The following DNAJC13 variants were observed in gnomAD, a reference collection of about 807,000 sequenced individuals.
DNAJC13 encodes the protein dnaJ homolog subfamily C member 13.
Under a neutral mutation model 290.5 loss-of-function variants are expected in DNAJC13, and 75 were observed. The ratio of observed to expected loss-of-function variants is 0.26; its 90% CI spans 0.21 to 0.31. DNAJC13 has a LOEUF of 0.31. Among genes scored for constraint, DNAJC13 ranks in the 10% least tolerant of loss-of-function variants. The pLI, the probability that DNAJC13 is intolerant of heterozygous loss-of-function variation, is 1.00. For missense variants in DNAJC13, 2,260 were observed against 2,674.5 expected (o/e 0.85, Z 3.42); for synonymous variants, 862 against 892.0 (o/e 0.97, Z 0.60).
At chr3:132,486,526 T>A (rs1005133721) in intron 29 of DNAJC13, among the ~76,000 whole-genome samples, 3 of 152,182 alleles carry the variant, frequency 2.0e-5, no homozygotes, top group African/African-American at 7.2e-5. Context: ...TTCAGTAATA[T>A]CTGAACAAAG....
At position 132,522,824 on chromosome 3, in the gene DNAJC13, A is replaced by G. The variant is rs1413524972; in HGVS notation, c.5674-4A>G. On this transcript the variant is annotated splice_region_variant and splice_polypyrimidine_tract_variant and intron_variant, in intron 48 of 55. Coordinates refer to ENST00000260818, the MANE Select transcript of DNAJC13 (RefSeq NM_015268.4). ...CTTTTTCATTCTCAAACTTCCTCGT[A>G]TAGGTTCGAATTACGTTAATGAAAT... is the stretch of plus-strand genomic sequence containing the variant. 1.3e-6 allele frequency: 2 copies of G among 1,596,848 alleles called. No individual in the cohort carries two copies. Among genetic ancestry groups the G allele is most frequent in the South Asian group, 1.2e-5 (1 of 86,850 alleles).
intron 44 of DNAJC13, 139 bp downstream of exon 44, chr3:132,511,383 C>T: frequency 9.9e-7 from 1 of 1,015,076 alleles, no homozygotes; most frequent in Middle Eastern, 2.8e-4. Context: ...AGGGAATTGA[C>T]CCTGTAATAG....
chr3:132,463,990 GC>G (rs748281410), intron 17 of DNAJC13, among the ~76,000 whole-genome samples, 173 bp downstream of exon 17: 1 of 152,112 alleles, frequency 6.6e-6, no homozygotes, highest in Non-Finnish European at 1.5e-5. Context: ...CACTGTCCCT[GC>G]CTATGGAAAA....
Position 132,467,274 on chromosome 3 carries a change from G to A in DNAJC13, c.2169G>A (p.Leu723=). The part of the protein sequence containing the change: ...KFAKEKVDLV[L]MHWRDRMGIA... ...CCAAAGAAAAAGTGGATCTTGTATT[G>A]ATGCACTGGAGGGATAGGATGGGCA... is the stretch of plus-strand genomic sequence containing the variant. The change falls in exon 20 of 56, where the codon TTG becomes TTA. Residue 723 remains leucine, a synonymous_variant. Transcript: ENST00000260818. 6.2e-7 allele frequency: 1 copy of A among 1,613,972 alleles called. No individual in the cohort carries two copies. Among genetic ancestry groups the A allele is most frequent in the Non-Finnish European group, 8.5e-7 (1 of 1,179,940 alleles).
At chr3:132,484,399 G>T in intron 28 of DNAJC13, 189 bp from the exon 29 acceptor site, 1 of 616,410 alleles carries the variant, frequency 1.6e-6, no homozygotes, top group Non-Finnish European at 2.9e-6. Context: ...GGAAGGAAAT[G>T]AAGTCATATT....
In DNAJC13 at chr3:132,450,791, G is replaced by T; in HGVS notation, c.481G>T (p.Asp161Tyr). Reference protein sequence around the residue: ...YDYRNIEGFVDLSDYQGGFCI... With the variant: ...YDYRNIEGFVYLSDYQGGFCI... ...CTATAGAAATATTGAAGGATTTGTA[G>T]ATCTCTCAGATTATCAAGGAGGATT... The change falls in exon 6 of 56, where the codon GAT (aspartate) becomes TAT (tyrosine). Residue 161 changes from aspartate to tyrosine, a missense_variant. This residue lies in a region of DNAJC13 where 762 missense variants were observed against 964.1 expected (regional missense o/e 0.79). Transcript: ENST00000260818. The T allele has an allele frequency of 6.2e-7, 1 of 1,606,194 alleles. No homozygotes were observed. Among genetic ancestry groups the T allele is most frequent in the Non-Finnish European group, 8.5e-7 (1 of 1,173,714 alleles).
chr3:132,482,461 A>G (rs1043603156), intron 27 of DNAJC13, 131 bp downstream of exon 27: 2 of 610,632 alleles, frequency 3.3e-6, no homozygotes, highest in Non-Finnish European at 5.5e-6. Context: ...AGGGCCCTGC[A>G]ACTCAGTTTC....
chr3:132,439,887 A>G (rs1047384739), intron 2 of DNAJC13, among the ~76,000 whole-genome samples: 4 of 152,192 alleles, frequency 2.6e-5, no homozygotes, highest in Non-Finnish European at 5.9e-5. Flanking sequence ...TCCACTACAG[A>G]GTATCCTGGC....
At chr3:132,518,417 A>G (rs549890373) in intron 48 of DNAJC13, among the ~76,000 whole-genome samples, 16 of 152,216 alleles carry the variant, frequency 1.1e-4, no homozygotes, top group South Asian at 4.2e-4. Context: ...CAGTGGTGCA[A>G]TCTTAGCTCA....
intron 55 of DNAJC13, among the ~76,000 whole-genome samples, chr3:132,534,118 A>G (rs1002309390): frequency 6.6e-6 from 1 of 152,188 alleles, no homozygotes; most frequent in Admixed American, 6.5e-5. Context: ...CAAGTTCTGT[A>G]CAGGTCTGGC....
At chr3:132,455,639 C>G (rs1933573380) in intron 9 of DNAJC13, among the ~76,000 whole-genome samples, 1 of 152,172 alleles carries the variant, frequency 6.6e-6, no homozygotes, top group Admixed American at 6.5e-5. Flanking sequence ...CAATGGAATA[C>G]TACTCAGCAA....
At chr3:132,471,143 G>T (rs1216288840) in intron 20 of DNAJC13, among the ~76,000 whole-genome samples, 2 of 130,158 alleles carry the variant, frequency 1.5e-5, no homozygotes, top group African/African-American at 5.7e-5. Context: ...CCTCCTGGAC[G>T]GGGTGGCTGG....
At chr3:132,479,733 C>A (rs978837170) in intron 25 of DNAJC13, among the ~76,000 whole-genome samples, 4 of 152,000 alleles carry the variant, frequency 2.6e-5, no homozygotes, top group Non-Finnish European at 5.9e-5. Context: ...TTTTTAAAGA[C>A]ATTTTAATAG....
intron 14 of DNAJC13, 78 bp downstream of exon 14, chr3:132,460,435 G>T (rs1215732701): frequency 6.2e-6 from 6 of 970,326 alleles, no homozygotes; most frequent in Non-Finnish European, 6.1e-6. Flanking sequence ...CCACGTGGAT[G>T]ATTTTTTTTT....
Position 132,488,956 on chromosome 3 carries a change from T to G in DNAJC13, c.3423-20T>G. 6.3e-7 allele frequency: 1 copy of G among 1,576,030 alleles called. No individual in the cohort carries two copies. Among genetic ancestry groups the G allele is most frequent in the East Asian group, 2.2e-5 (1 of 44,542 alleles). On this transcript the variant is annotated intron_variant, in intron 30 of 55. Transcript: ENST00000260818. ...TAAATCGGTTTCTATATCTGATAGA[T>G]AATTCATTTTTCTTTCTAGATTTTT...
intron 1 of DNAJC13, among the ~76,000 whole-genome samples, chr3:132,426,705 A>G (rs1209077739): frequency 2.0e-5 from 3 of 152,206 alleles, no homozygotes; most frequent in East Asian, 1.9e-4. Context: ...GTTTTTGCCT[A>G]TAAGTGATGA....
chr3:132,524,631 T>C (rs1467245370), intron 51 of DNAJC13, among the ~76,000 whole-genome samples: 1 of 152,230 alleles, frequency 6.6e-6, no homozygotes, highest in African/African-American at 2.4e-5. Flanking sequence ...TTGCTGAGTA[T>C]TTACCAGTGC....
At chr3:132,536,086 T>C (rs114834819) in intron 55 of DNAJC13, among the ~76,000 whole-genome samples, 2,026 of 152,336 alleles carry the variant, frequency 0.013, 36 homozygotes, top group African/African-American at 0.047. Context: ...AATAGCTCAG[T>C]AATTTTTTCA....
intron 51 of DNAJC13, among the ~76,000 whole-genome samples, chr3:132,525,356 T>C (rs995975229): frequency 1.3e-5 from 2 of 152,086 alleles, no homozygotes; most frequent in East Asian, 1.9e-4. Context: ...AAACCTGCAA[T>C]AGAAATTGGG....
Sources: allele counts gnomAD v4.1 joint callset (sites outside exome capture counted in the v4.1 genomes callset), GRCh38; gene constraint gnomAD v4.1.1; regional missense constraint gnomAD v4.1.1; transcripts MANE v1.5; gene names NCBI Gene and HGNC (gene_info 2026-07-23, HGNC 2026-07-21).